PACRG: variants seen among roughly 807,000 people sequenced by gnomAD.
PACRG encodes parkin coregulated gene protein.
Under a neutral mutation model 29.7 loss-of-function variants are expected in PACRG, and 29 were observed. The observed-to-expected ratio is 0.98, with a 90% CI of 0.73 to 1.33. The LOEUF (loss-of-function observed/expected upper bound fraction) is 1.33, where lower values mean the gene tolerates loss of function less well. Among genes scored for constraint, PACRG ranks in the 40% most tolerant of loss-of-function variants. PACRG has a pLI of 0.00. For missense variants in PACRG, 279 were observed against 316.2 expected, an observed-to-expected ratio of 0.88 and a Z score of 0.89; for synonymous variants, 116 against 118.7, an observed-to-expected ratio of 0.98 and a Z score of 0.15.
intron 2 of PACRG, among the ~76,000 whole-genome samples, chr6:162,886,121 C>T (rs1035379719): frequency 3.3e-5 from 5 of 152,104 alleles, no homozygotes; most frequent in East Asian, 1.9e-4. Context: ...GATGGGGTTT[C>T]GCCATTTTGT....
chr6:162,794,880 A>G (rs1785243867), intron 1 of PACRG, among the ~76,000 whole-genome samples: 2 of 152,200 alleles, frequency 1.3e-5, no homozygotes, highest in African/African-American at 2.4e-5. Flanking sequence ...TAAGCATTAC[A>G]GATGCATTCT....
At chr6:162,844,230 C>T (rs1790117327) in intron 2 of PACRG, among the ~76,000 whole-genome samples, 1 of 152,064 alleles carries the variant, frequency 6.6e-6, no homozygotes, top group Non-Finnish European at 1.5e-5. Flanking sequence ...TCTCAGACTG[C>T]TGTGCTAGCA....
intron 4 of PACRG, among the ~76,000 whole-genome samples, chr6:163,295,618 T>C (rs1415513331): frequency 6.6e-6 from 1 of 152,210 alleles, no homozygotes; most frequent in African/African-American, 2.4e-5. Flanking sequence ...GTGCTGTCTA[T>C]AAATTAGTTC....
At chr6:162,983,052 A>G (rs1055554475) in intron 2 of PACRG, among the ~76,000 whole-genome samples, 1 of 152,030 alleles carries the variant, frequency 6.6e-6, no homozygotes, top group Non-Finnish European at 1.5e-5. Flanking sequence ...TTATCATTAT[A>G]TGATGTCCCT....
chr6:163,314,841 G>T lies in PACRG; in HGVS notation c.628G>T (p.Gly210Cys). The T allele has an allele frequency of 6.2e-7, 1 of 1,613,906 alleles. No individual in the cohort carries two copies. The highest frequency in any genetic ancestry group is 8.5e-7 in the Non-Finnish European group (1 of 1,179,972). ...FKNMNVNSGDGIDYSQQKREN... is the reference protein window; with the variant it reads ...FKNMNVNSGDCIDYSQQKREN... ...GCATGCACCAGTGAACTCCGGAGAC[G>T]GCATTGACTACAGCCAGCAGAAGAG... The change falls in exon 5 of 5, where the codon GGC becomes TGC. Residue 210 changes from glycine to cysteine, a missense_variant. Gly to Cys is a radical substitution (Grantham distance 159, BLOSUM62 -3). Transcript: ENST00000366888.
intron 2 of PACRG, among the ~76,000 whole-genome samples, chr6:162,936,812 T>C (rs1224711090): frequency 2.0e-5 from 3 of 151,984 alleles, no homozygotes; most frequent in Non-Finnish European, 2.9e-5. Context: ...TTTTTTTTTT[T>C]AGTTTGGCTT....
chr6:162,727,369 C>A, upstream of PACRG: 1 of 471,056 alleles, frequency 2.1e-6, no homozygotes, highest in Non-Finnish European at 3.7e-6. Flanking sequence ...GTCCGGGGGA[C>A]CGCGAACGAG....
chr6:162,916,154 T>C (rs539847643), intron 2 of PACRG, among the ~76,000 whole-genome samples: 1 of 152,316 alleles, frequency 6.6e-6, no homozygotes, highest in East Asian at 1.9e-4. Context: ...ATATTTTCAT[T>C]GAACATAGAA....
chr6:163,024,107 A>T (rs1806893184), intron 2 of PACRG, among the ~76,000 whole-genome samples: 1 of 152,084 alleles, frequency 6.6e-6, no homozygotes, highest in Non-Finnish European at 1.5e-5. Flanking sequence ...TTTTTGTTGC[A>T]CTTGCTTTTG....
intron 1 of PACRG, among the ~76,000 whole-genome samples, chr6:162,766,312 T>G (rs894288494): frequency 2.6e-5 from 4 of 152,216 alleles, no homozygotes; most frequent in Non-Finnish European, 5.9e-5. Context: ...CATATGGTAT[T>G]TGTTTCTCTG....
At chr6:163,172,126 T>G (rs1298875083) in intron 4 of PACRG, among the ~76,000 whole-genome samples, 1 of 152,240 alleles carries the variant, frequency 6.6e-6, no homozygotes, top group Non-Finnish European at 1.5e-5. Context: ...CTACATTTTA[T>G]TAAGCTGCAG....
At chr6:163,232,584 G>C (rs762446720) in intron 4 of PACRG, among the ~76,000 whole-genome samples, 1 of 152,176 alleles carries the variant, frequency 6.6e-6, no homozygotes, top group Non-Finnish European at 1.5e-5. Flanking sequence ...TGGCTCTGTG[G>C]TCCTGGCCTT....
At chr6:163,266,691 C>G (rs1384179887) in intron 4 of PACRG, among the ~76,000 whole-genome samples, 1 of 152,168 alleles carries the variant, frequency 6.6e-6, no homozygotes, top group Non-Finnish European at 1.5e-5. Context: ...ATCTTCAAAA[C>G]AGCCCACAGA....
chr6:162,902,292 C>T (rs1489090109), intron 2 of PACRG, among the ~76,000 whole-genome samples: 1 of 152,148 alleles, frequency 6.6e-6, no homozygotes, highest in African/African-American at 2.4e-5. Context: ...AGGAAGCAAT[C>T]CATTTGGATG....
chr6:162,867,055 A>G (rs1177276661), intron 2 of PACRG, among the ~76,000 whole-genome samples: 1 of 152,170 alleles, frequency 6.6e-6, no homozygotes, highest in Non-Finnish European at 1.5e-5. Context: ...ACCAGGGTCC[A>G]CAGCGGGAAA....
chr6:162,814,315 A>C, intron 2 of PACRG, 34 bp downstream of exon 2: 1 of 1,608,546 alleles, frequency 6.2e-7, no homozygotes, highest in East Asian at 2.2e-5. Flanking sequence ...GGCCAGCTGC[A>C]CCCGCTGAAG....
rs536648394 is a variant in PACRG, at chr6:163,241,495, G to T, written c.614-73332G>T. Among the ~76,000 whole-genome samples the T allele has an allele frequency of 4.6e-5, 7 of 152,292 alleles. No homozygotes were observed. The South Asian group carries it at 1.2e-3, about 27-fold the overall frequency. On this transcript the variant is annotated intron_variant, in intron 4 of 4. Transcript: ENST00000366888. Reference sequence around the variant, plus strand: ...GGGAGATGTGGCCCAGGCTCCAGGAGCCCTCATACCCTGCACTGTTTTTAC... The same window carrying T: ...GGGAGATGTGGCCCAGGCTCCAGGATCCCTCATACCCTGCACTGTTTTTAC...
chr6:163,095,060 C>T (rs480064), intron 4 of PACRG, among the ~76,000 whole-genome samples: 53,712 of 151,920 alleles, frequency 0.35, 10,339 homozygotes, highest in East Asian at 0.57. Flanking sequence ...GGTTGTGCAG[C>T]GATCTAAGTG....
intron 2 of PACRG, among the ~76,000 whole-genome samples, chr6:162,966,810 G>C (rs1220432126): frequency 1.3e-5 from 2 of 151,692 alleles, no homozygotes; most frequent in African/African-American, 4.8e-5. Context: ...GTTACTTGAT[G>C]GTCTCTTGTA....
Sources: gnomAD v4.1 joint callset for allele counts (sites outside exome capture counted in the v4.1 genomes callset) on GRCh38, gnomAD v4.1.1 for gene constraint, MANE v1.5 for transcripts, NCBI Gene and HGNC (gene_info 2026-07-23, HGNC 2026-07-21) for gene names.